PABPC4L: variants seen among roughly 807,000 people sequenced by gnomAD.
The protein encoded by PABPC4L is polyadenylate-binding protein 4-like.
For synonymous variants in PABPC4L, 169 were observed against 164.1 expected (o/e 1.03, Z -0.23); for missense variants, 452 against 451.4 (o/e 1.00, Z -0.01).
the PABPC4L span, among the ~76,000 whole-genome samples, chr4:134,023,145 C>T: frequency 6.6e-6 from 1 of 151,918 alleles, no homozygotes. Flanking sequence ...AAGACAGAGC[C>T]CTTATTGCCC....
the PABPC4L span, among the ~76,000 whole-genome samples, chr4:134,086,263 T>C: frequency 6.6e-6 from 1 of 152,098 alleles, no homozygotes; most frequent in Admixed American, 6.6e-5. Context: ...ATCTACTCCT[T>C]ATTTATTTGC....
At chr4:134,036,164 G>A in the PABPC4L span, among the ~76,000 whole-genome samples, 1,533 of 152,084 alleles carry the variant, frequency 0.01, 25 homozygotes, top group African/African-American at 0.034. Context: ...GATAATAAAA[G>A]TTTCTCAATG....
At chr4:134,125,508 T>C in the PABPC4L span, among the ~76,000 whole-genome samples, 1 of 152,170 alleles carries the variant, frequency 6.6e-6, no homozygotes, top group Non-Finnish European at 1.5e-5. Flanking sequence ...CATTTTGCTA[T>C]AAACTGTTGC....
the PABPC4L span, among the ~76,000 whole-genome samples, chr4:134,025,305 C>CAAAAAAAA: frequency 4.4e-5 from 2 of 45,640 alleles, no homozygotes; most frequent in Non-Finnish European, 9.0e-5. Context: ...GAATTCATCT[C>CAAAAAAAA]AAAAAAAAAA....
chr4:134,117,127 T>C, the PABPC4L span, among the ~76,000 whole-genome samples: 1 of 151,742 alleles, frequency 6.6e-6, no homozygotes, highest in African/African-American at 2.4e-5. Context: ...TTTCAAACTA[T>C]AGCCATGACA....
the PABPC4L span, among the ~76,000 whole-genome samples, chr4:134,153,357 G>GTA: frequency 7.8e-3 from 1,169 of 150,166 alleles, 23 homozygotes; most frequent in African/African-American, 0.025. Flanking sequence ...AAGTATGTGT[G>GTA]TATATATATA....
chr4:134,107,910 A>G, the PABPC4L span, among the ~76,000 whole-genome samples: 2 of 151,502 alleles, frequency 1.3e-5, no homozygotes, highest in Non-Finnish European at 3.0e-5. Context: ...CCAAAGACAT[A>G]TATTTTATTC....
At chr4:134,056,136 G>A in the PABPC4L span, among the ~76,000 whole-genome samples, 28 of 151,624 alleles carry the variant, frequency 1.8e-4, no homozygotes, top group East Asian at 3.9e-4. Flanking sequence ...TATTTATATC[G>A]GCCTTTTCTG....
chr4:134,030,556 C>T, the PABPC4L span, among the ~76,000 whole-genome samples: 1 of 152,004 alleles, frequency 6.6e-6, no homozygotes, highest in African/African-American at 2.4e-5. Context: ...GACATATGCA[C>T]AGATCAGTAT....
chr4:134,059,413 G>T, the PABPC4L span, among the ~76,000 whole-genome samples: 1 of 147,908 alleles, frequency 6.8e-6, no homozygotes, highest in Non-Finnish European at 1.5e-5. Context: ...TATAGTGTGC[G>T]TGTATATATA....
chr4:134,056,936 G>T, the PABPC4L span, among the ~76,000 whole-genome samples: 1 of 151,894 alleles, frequency 6.6e-6, no homozygotes, highest in Non-Finnish European at 1.5e-5. Context: ...AAACCTGAGC[G>T]CCATAGATAT....
At chr4:134,047,610 G>A in the PABPC4L span, among the ~76,000 whole-genome samples, 1 of 151,952 alleles carries the variant, frequency 6.6e-6, no homozygotes, top group South Asian at 2.1e-4. Context: ...AGATAAATGG[G>A]AAAAAAATGT....
chr4:134,199,973 C>A lies in PABPC4L; in HGVS notation c.1047G>T (p.Met349Ile). Reference protein sequence around the residue: ...FSSPEDATKAMTEMNGRILGS... With the variant: ...FSSPEDATKAITEMNGRILGS... ...CCAAGATGCGGCCATTCATCTCAGT[C>A]ATTGCTTTAGTAGCATCCTCAGGAG... The change falls in exon 2 of 2, where the codon ATG (methionine) becomes ATT (isoleucine). Residue 349 changes from methionine (M) to isoleucine (I), a missense_variant. Met to Ile is a conservative substitution (Grantham distance 10). Transcript: ENST00000421491. The A allele has an allele frequency of 6.4e-7, 1 of 1,551,612 alleles. No individual in the cohort carries two copies. Among genetic ancestry groups the A allele is most frequent in the South Asian group, 1.2e-5 (1 of 84,028 alleles).
At chr4:134,146,887 C>G in the PABPC4L span, among the ~76,000 whole-genome samples, 2 of 152,038 alleles carry the variant, frequency 1.3e-5, no homozygotes, top group Non-Finnish European at 2.9e-5. Flanking sequence ...TGGACTGTAT[C>G]TGGAACTGGC....
chr4:134,201,102 C>G lies in PABPC4L; in HGVS notation c.-83G>C, dbSNP rs1364057141. On this transcript the variant is annotated 5_prime_UTR_variant, in exon 2 of 2. Transcript: ENST00000421491. ...GGGGGATACTAGGTCACAGCTTTGG[C>G]CCGGTTCAAGTGTGGAGGCCTCGGG... 6.4e-7 allele frequency: 1 copy of G among 1,550,768 alleles called. No homozygotes were observed. The highest frequency in any genetic ancestry group is 2.4e-5 in the East Asian group (1 of 40,866).
chr4:133,963,743 A>G, the PABPC4L span, among the ~76,000 whole-genome samples: 124 of 152,116 alleles, frequency 8.2e-4, no homozygotes, highest in African/African-American at 2.9e-3. Flanking sequence ...CAAAAATGAA[A>G]TCAAGATGAA....
At chr4:133,992,616 T>G in the PABPC4L span, among the ~76,000 whole-genome samples, 1 of 151,956 alleles carries the variant, frequency 6.6e-6, no homozygotes, top group Non-Finnish European at 1.5e-5. Flanking sequence ...GGGAAGGGGG[T>G]GTCCGCCCAG....
chr4:134,114,766 TA>T, the PABPC4L span, among the ~76,000 whole-genome samples: 2 of 151,890 alleles, frequency 1.3e-5, no homozygotes, highest in Non-Finnish European at 2.9e-5. Flanking sequence ...CAGAGCACGT[TA>T]AAAAATTTAA....
At chr4:134,035,696 T>C in the PABPC4L span, among the ~76,000 whole-genome samples, 6 of 152,168 alleles carry the variant, frequency 3.9e-5, no homozygotes, top group South Asian at 1.2e-3. Context: ...TATACTAATG[T>C]ATAGTCATCA....
Sources: allele counts gnomAD v4.1 joint callset (sites outside exome capture counted in the v4.1 genomes callset), GRCh38; gene constraint gnomAD v4.1.1; transcripts MANE v1.5; gene names NCBI Gene and HGNC (gene_info 2026-07-23, HGNC 2026-07-21).